The following GABRA3 variants were observed in gnomAD, a reference collection of about 807,000 sequenced individuals.
GABRA3 encodes the protein gamma-aminobutyric acid receptor subunit alpha-3.
GABRA3 carries 10 observed loss-of-function variants against 30.1 expected under a neutral mutation model. That is an observed-to-expected ratio of 0.33 (90% CI 0.20 to 0.56). The LOEUF (loss-of-function observed/expected upper bound fraction) is 0.56, where lower values mean the gene tolerates loss of function less well. Ranked by LOEUF, GABRA3 falls within the 20% of genes least tolerant of loss-of-function variation. The pLI is 0.89. For missense variants in GABRA3, 233 were observed against 392.0 expected (o/e 0.59, Z 3.42); for synonymous variants, 151 against 146.8 (o/e 1.03, Z -0.21).
chrX:152,432,435 C>T (rs1298900940), intron 1 of GABRA3, among the ~76,000 whole-genome samples: 5 of 111,354 alleles, frequency 4.5e-5, no homozygotes. Flanking sequence ...AAATCATATG[C>T]TTTCAACAAA....
At chrX:152,313,706 G>T (rs564692612) in intron 3 of GABRA3, among the ~76,000 whole-genome samples, 1 of 111,997 alleles carries the variant, frequency 8.9e-6, no homozygotes, top group African/African-American at 3.2e-5. Context: ...CCTGAGAAAT[G>T]TACTGGTTAT....
chrX:152,270,572 AG>A (rs1278253215), intron 4 of GABRA3, among the ~76,000 whole-genome samples: 1 of 111,393 alleles, frequency 9.0e-6, no homozygotes, highest in Non-Finnish European at 1.9e-5. Flanking sequence ...GAAGTCAGAA[AG>A]GCCAAGTGCA....
At chrX:152,295,650 T>G (rs188377542) in intron 3 of GABRA3, among the ~76,000 whole-genome samples, 27 of 112,725 alleles carry the variant, frequency 2.4e-4, no homozygotes. Context: ...CCCTTGCACA[T>G]CCTCGGTGAG....
chrX:152,227,043 A>C (rs914672571), intron 5 of GABRA3, among the ~76,000 whole-genome samples: 24 of 110,828 alleles, frequency 2.2e-4, no homozygotes, highest in African/African-American at 4.9e-4. Context: ...TATGTACCCA[A>C]AGGACTATAA....
intron 5 of GABRA3, among the ~76,000 whole-genome samples, chrX:152,232,500 C>T (rs770407163): frequency 2.4e-4 from 26 of 109,877 alleles, no homozygotes; most frequent in Admixed American, 6.9e-4. Context: ...CACTTATAAA[C>T]GATAACATGC....
intron 7 of GABRA3, among the ~76,000 whole-genome samples, chrX:152,199,253 A>C (rs5924728): frequency 0.37 from 37,844 of 102,254 alleles, 6,558 homozygotes; most frequent in Non-Finnish European, 0.44. Flanking sequence ...GTAGTCCCAG[A>C]TACTAGGGAG....
At chrX:152,254,874 C>A (rs1363875470) in intron 5 of GABRA3, among the ~76,000 whole-genome samples, 1 of 111,843 alleles carries the variant, frequency 8.9e-6, no homozygotes, top group East Asian at 2.8e-4. Flanking sequence ...GAAGTGACAA[C>A]TGATATCGGA....
At chrX:152,448,570 C>T (rs1462467821) in intron 1 of GABRA3, among the ~76,000 whole-genome samples, 1 of 111,316 alleles carries the variant, frequency 9.0e-6, no homozygotes, top group Non-Finnish European at 1.9e-5. Context: ...ATTCTAGCAA[C>T]CACATACTCA....
chrX:152,251,326 C>G (rs920146163), intron 5 of GABRA3, among the ~76,000 whole-genome samples: 1 of 111,068 alleles, frequency 9.0e-6, no homozygotes, highest in Non-Finnish European at 1.9e-5. Context: ...ATCCTTTGCT[C>G]GGCTTCATCC....
Position 152,199,893 on chromosome X carries a change from G to C in GABRA3, c.779-2108C>G, listed in dbSNP as rs142927880. Among the ~76,000 whole-genome samples the C allele has an allele frequency of 3.4e-3, 375 of 110,556 alleles. 1 individual carries two copies. Among genetic ancestry groups the C allele is most frequent in the South Asian group, 0.014 (36 of 2,553 alleles). On this transcript the variant is annotated intron_variant, in intron 7 of 9. Transcript: ENST00000370314. ...ATCAATCAATCAGCCAACTCTTCCA[G>C]TTCTTTCTCCAAAATATTTCCATAA...
At chrX:152,336,896 CA>C (rs1940242551) in intron 3 of GABRA3, among the ~76,000 whole-genome samples, 1 of 111,173 alleles carries the variant, frequency 9.0e-6, no homozygotes, top group African/African-American at 3.3e-5. Flanking sequence ...CTACAAGAGA[CA>C]AGTCAGAGTC....
intron 1 of GABRA3, among the ~76,000 whole-genome samples, chrX:152,412,855 G>A: frequency 9.0e-6 from 1 of 110,832 alleles, no homozygotes; most frequent in Non-Finnish European, 1.9e-5. Context: ...GTTTAAAAAA[G>A]AATAATAATA....
intron 9 of GABRA3, among the ~76,000 whole-genome samples, chrX:152,170,368 G>A (rs778611313): frequency 8.9e-6 from 1 of 112,475 alleles, no homozygotes; most frequent in African/African-American, 3.2e-5. Flanking sequence ...GGGCTGGTGG[G>A]CCTTGTGTAA....
intron 5 of GABRA3, among the ~76,000 whole-genome samples, chrX:152,238,420 T>A (rs897802786): frequency 9.4e-5 from 10 of 106,847 alleles, no homozygotes; most frequent in African/African-American, 3.5e-4. Flanking sequence ...GATTTTTGCA[T>A]CATTGTTCAT....
intron 9 of GABRA3, among the ~76,000 whole-genome samples, chrX:152,177,992 C>A (rs1937095644): frequency 9.0e-6 from 1 of 111,436 alleles, no homozygotes; most frequent in South Asian, 3.8e-4. Context: ...CTTCCACTTG[C>A]AAGGGCAGTA....
At position 152,254,330 on chromosome X, in the gene GABRA3, A is replaced by G. The variant is rs184023562; in HGVS notation, c.551+1448T>C. Among the ~76,000 whole-genome samples, 12 of 110,428 alleles carry G rather than the reference A, an allele frequency of 1.1e-4. No individual in the cohort carries two copies. The East Asian group carries it at 3.4e-3, about 32-fold the overall frequency. On this transcript the variant is annotated intron_variant, in intron 5 of 9. Transcript: ENST00000370314. ...TCGCCTATCTCTTTAGAATATCCTA[A>G]TATCTAATCTAGCTTCTTTATTTTA...
intron 3 of GABRA3, among the ~76,000 whole-genome samples, chrX:152,297,983 A>G (rs1209728639): frequency 8.9e-6 from 1 of 112,337 alleles, no homozygotes; most frequent in East Asian, 2.8e-4. Flanking sequence ...ACTGCACAAT[A>G]TCCTTTCCAC....
At chrX:152,361,142 G>A (rs1928491113) in intron 2 of GABRA3, among the ~76,000 whole-genome samples, 1 of 107,952 alleles carries the variant, frequency 9.3e-6, no homozygotes, top group Non-Finnish European at 1.9e-5. Context: ...TGCAGTGATT[G>A]TATTGCCTCT....
At chrX:152,403,259 T>C (rs1486597248) in intron 1 of GABRA3, among the ~76,000 whole-genome samples, 28 of 111,309 alleles carry the variant, frequency 2.5e-4, no homozygotes, top group Admixed American at 1.8e-3. Context: ...TACTATAAGA[T>C]GGACAAATAA....
Sources: allele counts gnomAD v4.1 joint callset (sites outside exome capture counted in the v4.1 genomes callset), GRCh38; gene constraint gnomAD v4.1.1; transcripts MANE v1.5; gene names NCBI Gene and HGNC (gene_info 2026-07-23, HGNC 2026-07-21).